The following LAMC1 variants were observed in gnomAD, a reference collection of about 807,000 sequenced individuals.
LAMC1 encodes the protein laminin subunit gamma-1.
LAMC1 carries 38 observed loss-of-function variants against 173.6 expected under a neutral mutation model. That is an observed-to-expected ratio of 0.22 (90% CI 0.17 to 0.29). The LOEUF is 0.29. LAMC1 is among the 10% of genes least tolerant of loss of function. The pLI is 1.00. For synonymous variants in LAMC1, 746 were observed against 749.1 expected (o/e 1.00, Z 0.07); for missense variants, 1,824 against 2,051.8 (o/e 0.89, Z 2.14).
At chr1:183,075,210 C>T (rs1319994087) in intron 1 of LAMC1, among the ~76,000 whole-genome samples, 1 of 150,826 alleles carries the variant, frequency 6.6e-6, no homozygotes, top group Admixed American at 6.6e-5. Context: ...ACTGCAGCCT[C>T]GACCTCTCCA....
At chr1:183,068,405 G>C (rs1654929685) in intron 1 of LAMC1, among the ~76,000 whole-genome samples, 1 of 152,102 alleles carries the variant, frequency 6.6e-6, no homozygotes, top group South Asian at 2.1e-4. Flanking sequence ...TAATTATTTA[G>C]GTGAGCATGA....
intron 1 of LAMC1, among the ~76,000 whole-genome samples, chr1:183,073,372 AT>A (rs1460155267): frequency 6.6e-6 from 1 of 152,246 alleles, no homozygotes; most frequent in African/African-American, 2.4e-5. Context: ...TCTGAAAGAA[AT>A]AGCTATAAAA....
At chr1:183,120,192 G>GAAAA (rs1553257453) in intron 11 of LAMC1, among the ~76,000 whole-genome samples, 14 of 137,520 alleles carry the variant, frequency 1.0e-4, no homozygotes, top group Admixed American at 3.1e-4. Context: ...AAAAAAAAAG[G>GAAAA]TGGCGGGGTG....
intron 1 of LAMC1, among the ~76,000 whole-genome samples, chr1:183,042,981 A>G (rs925430488): frequency 6.6e-6 from 1 of 152,220 alleles, no homozygotes; most frequent in African/African-American, 2.4e-5. Context: ...GAGCTGTTTT[A>G]AAATCCAGAT....
chr1:183,132,316 TAATA>T, intron 20 of LAMC1, 80 bp from the exon 21 acceptor site: 1 of 842,428 alleles, frequency 1.2e-6, no homozygotes, highest in South Asian at 2.0e-5. Context: ...ATAATAATAA[TAATA>T]AAGTAAGCAT....
intron 1 of LAMC1, among the ~76,000 whole-genome samples, chr1:183,052,487 C>T (rs1654457546): frequency 6.6e-6 from 1 of 152,148 alleles, no homozygotes; most frequent in Non-Finnish European, 1.5e-5. Context: ...GCATGCGCCA[C>T]CACGCCCAGC....
intron 1 of LAMC1, among the ~76,000 whole-genome samples, chr1:183,056,056 A>G (rs1364218583): frequency 6.6e-6 from 1 of 152,188 alleles, no homozygotes; most frequent in African/African-American, 2.4e-5. Context: ...TTTAGTAAAG[A>G]TGGAGTAGAA....
intron 1 of LAMC1, among the ~76,000 whole-genome samples, chr1:183,042,894 C>G (rs1207701549): frequency 4.6e-5 from 7 of 152,278 alleles, no homozygotes; most frequent in Middle Eastern, 3.4e-3. Flanking sequence ...CTCGGAGGAG[C>G]ACATCCCACA....
chr1:183,091,192 A>C (rs1655557930), intron 1 of LAMC1, among the ~76,000 whole-genome samples: 1 of 152,236 alleles, frequency 6.6e-6, no homozygotes, highest in East Asian at 2.0e-4. Flanking sequence ...CTGCAGAAGA[A>C]GAGGTTTTAG....
At chr1:183,058,861 T>G (rs1167940759) in intron 1 of LAMC1, among the ~76,000 whole-genome samples, 1 of 152,218 alleles carries the variant, frequency 6.6e-6, no homozygotes, top group East Asian at 1.9e-4. Context: ...GCTACCTACA[T>G]GTTTACATGT....
At chr1:183,092,066 A>C (rs1655580081) in intron 1 of LAMC1, among the ~76,000 whole-genome samples, 2 of 152,234 alleles carry the variant, frequency 1.3e-5, no homozygotes, top group Admixed American at 1.3e-4. Flanking sequence ...AGCTGGGTGC[A>C]GTCACCCCTA....
chr1:183,117,315 T>C lies in LAMC1; in HGVS notation c.1565-5T>C, dbSNP rs1286525087. On this transcript the variant is annotated splice_region_variant and splice_polypyrimidine_tract_variant and intron_variant, in intron 8 of 27. Coordinates refer to ENST00000258341, the MANE Select transcript of LAMC1 (RefSeq NM_002293.4). ...AGTGCTTGTGTTTTCCTTCTCTACC[T>C]GCAGATGAGGATGGGTGGCGTGCGG... is the stretch of plus-strand genomic sequence containing the variant. 2 of 1,600,504 alleles carry C rather than the reference T, an allele frequency of 1.2e-6. No homozygotes were observed. Among genetic ancestry groups the C allele is most frequent in the Non-Finnish European group, 1.7e-6 (2 of 1,169,176 alleles).
intron 1 of LAMC1, among the ~76,000 whole-genome samples, chr1:183,083,682 GTA>G (rs768684482): frequency 3.3e-5 from 5 of 152,100 alleles, no homozygotes; most frequent in Non-Finnish European, 5.9e-5. Context: ...ATAATCAGAT[GTA>G]TATTTAAAAT....
chr1:183,093,510 G>T (rs1313796302), intron 1 of LAMC1, among the ~76,000 whole-genome samples: 1 of 151,998 alleles, frequency 6.6e-6, no homozygotes, highest in Non-Finnish European at 1.5e-5. Context: ...TATGTCCCGA[G>T]ACCCAGTCTG....
At chr1:183,078,362 A>G (rs1454057072) in intron 1 of LAMC1, among the ~76,000 whole-genome samples, 1 of 151,352 alleles carries the variant, frequency 6.6e-6, no homozygotes, top group Non-Finnish European at 1.5e-5. Flanking sequence ...GCGGTGGATC[A>G]CGAGGTCAGG....
intron 6 of LAMC1, among the ~76,000 whole-genome samples, chr1:183,115,963 C>G (rs1048278173): frequency 6.6e-6 from 1 of 151,902 alleles, no homozygotes; most frequent in African/African-American, 2.4e-5. Flanking sequence ...CCCGTCTATA[C>G]TAAAAATACA....
At chr1:183,139,719 A>G (rs1010884300) in intron 26 of LAMC1, among the ~76,000 whole-genome samples, 3 of 152,170 alleles carry the variant, frequency 2.0e-5, no homozygotes, top group Admixed American at 6.5e-5. Context: ...CTGTTTTCTG[A>G]TATTTAGACA....
At chr1:183,067,497 T>G (rs756590830) in intron 1 of LAMC1, among the ~76,000 whole-genome samples, 5 of 152,142 alleles carry the variant, frequency 3.3e-5, no homozygotes, top group Non-Finnish European at 7.3e-5. Flanking sequence ...GTTGTTGTTG[T>G]TGTTTTTGAG....
At chr1:183,115,242 T>C (rs993036639) in intron 5 of LAMC1, among the ~76,000 whole-genome samples, 9 of 152,206 alleles carry the variant, frequency 5.9e-5, no homozygotes, top group African/African-American at 2.2e-4. Context: ...ACTGATCTTG[T>C]GTGCAGTGTT....
Sources: gnomAD v4.1 joint callset for allele counts (sites outside exome capture counted in the v4.1 genomes callset) on GRCh38, gnomAD v4.1.1 for gene constraint, MANE v1.5 for transcripts, NCBI Gene and HGNC (gene_info 2026-07-23, HGNC 2026-07-21) for gene names.